Variants in MEIKIN observed in about 807,000 individuals in gnomAD.
MEIKIN encodes the protein meiosis-specific kinetochore protein.
intron 11 of MEIKIN, among the ~76,000 whole-genome samples, chr5:131,835,628 C>T (rs1749792681): frequency 6.6e-6 from 1 of 152,148 alleles, no homozygotes; most frequent in Non-Finnish European, 1.5e-5. Context: ...GAGTCTCGCT[C>T]TGTTACCCAG....
chr5:131,877,541 G>A (rs986057521), intron 9 of MEIKIN, among the ~76,000 whole-genome samples: 1 of 152,130 alleles, frequency 6.6e-6, no homozygotes, highest in African/African-American at 2.4e-5. Flanking sequence ...TACTAGGTAG[G>A]CTGAGGCAAG....
At chr5:131,843,865 C>T (rs781124950) in intron 11 of MEIKIN, among the ~76,000 whole-genome samples, 1 of 152,174 alleles carries the variant, frequency 6.6e-6, no homozygotes, top group Non-Finnish European at 1.5e-5. Flanking sequence ...TATAGCAATG[C>T]CCCATTTCTC....
At chr5:131,906,800 G>A (rs191883782) in intron 8 of MEIKIN, among the ~76,000 whole-genome samples, 6 of 152,238 alleles carry the variant, frequency 3.9e-5, no homozygotes, top group African/African-American at 9.6e-5. Context: ...TCACTTATAA[G>A]TGGGACCTAA....
At chr5:131,885,046 C>T (rs1750755690) in intron 8 of MEIKIN, among the ~76,000 whole-genome samples, 1 of 152,192 alleles carries the variant, frequency 6.6e-6, no homozygotes, top group Non-Finnish European at 1.5e-5. Flanking sequence ...TAAGGGTTTT[C>T]ACTCTAATTC....
chr5:131,845,967 C>T (rs553607956), intron 11 of MEIKIN, among the ~76,000 whole-genome samples: 138 of 152,272 alleles, frequency 9.1e-4, no homozygotes, highest in African/African-American at 3.2e-3. Flanking sequence ...AACTGAAAGA[C>T]ACCCACACTT....
At chr5:131,832,514 T>C (rs1749732321) in intron 11 of MEIKIN, among the ~76,000 whole-genome samples, 1 of 152,086 alleles carries the variant, frequency 6.6e-6, no homozygotes, top group Non-Finnish European at 1.5e-5. Context: ...CGTTCTGAGG[T>C]CTGGAGGACA....
At chr5:131,905,657 A>G (rs111810109) in intron 8 of MEIKIN, among the ~76,000 whole-genome samples, 9 of 152,330 alleles carry the variant, frequency 5.9e-5, no homozygotes, top group African/African-American at 2.2e-4. Flanking sequence ...AAACACCTCT[A>G]TGCACACAAG....
intron 11 of MEIKIN, among the ~76,000 whole-genome samples, chr5:131,822,722 A>G (rs1749536449): frequency 1.3e-5 from 2 of 152,172 alleles, no homozygotes; most frequent in Non-Finnish European, 2.9e-5. Flanking sequence ...ACACACTGTG[A>G]TAACAATGTT....
At chr5:131,807,373 G>A (rs1004364157) in intron 12 of MEIKIN, 115 bp from the exon 13 acceptor site, 1 of 394,024 alleles carries the variant, frequency 2.5e-6, no homozygotes, top group Non-Finnish European at 4.5e-6. Context: ...TCTAGTTTCA[G>A]CCCATCAAGC....
At chr5:131,831,855 T>C (rs1749721449) in intron 11 of MEIKIN, among the ~76,000 whole-genome samples, 1 of 152,112 alleles carries the variant, frequency 6.6e-6, no homozygotes, top group African/African-American at 2.4e-5. Context: ...TCAGATCTTG[T>C]GAGGCTTATT....
chr5:131,861,911 CTGT>C (rs1561735879), intron 9 of MEIKIN, among the ~76,000 whole-genome samples: 2 of 151,984 alleles, frequency 1.3e-5, no homozygotes, highest in African/African-American at 4.8e-5. Flanking sequence ...TTTCTCTTTG[CTGT>C]TGTTGTTGTG....
intron 8 of MEIKIN, among the ~76,000 whole-genome samples, chr5:131,892,089 T>C (rs561179850): frequency 6.6e-6 from 1 of 152,232 alleles, no homozygotes; most frequent in African/African-American, 2.4e-5. Flanking sequence ...AGATCAGCTG[T>C]TAGTCTCATG....
At chr5:131,944,524 C>T (rs1335694536) in intron 3 of MEIKIN, 141 bp downstream of exon 3, 9 of 394,666 alleles carry the variant, frequency 2.3e-5, no homozygotes, top group African/African-American at 1.2e-4. Flanking sequence ...TCTAAAGACA[C>T]GTAAGTGTTT....
At chr5:131,826,439 C>A (rs1345899521) in intron 11 of MEIKIN, among the ~76,000 whole-genome samples, 3 of 152,082 alleles carry the variant, frequency 2.0e-5, no homozygotes, top group African/African-American at 7.2e-5. Flanking sequence ...GACGATTGAA[C>A]TTAAAAGTAC....
At chr5:131,910,271 A>G (rs942613075) in intron 8 of MEIKIN, among the ~76,000 whole-genome samples, 2 of 152,226 alleles carry the variant, frequency 1.3e-5, no homozygotes, top group African/African-American at 2.4e-5. Flanking sequence ...ATTTACAACA[A>G]CATGAATGAA....
intron 4 of MEIKIN, among the ~76,000 whole-genome samples, chr5:131,942,304 T>C (rs896948437): frequency 1.6e-4 from 25 of 152,226 alleles, no homozygotes; most frequent in African/African-American, 6.0e-4. Flanking sequence ...AATTTCTCTT[T>C]ACTCATCTCT....
At chr5:131,920,362 G>A (rs1307513434) in intron 6 of MEIKIN, among the ~76,000 whole-genome samples, 1 of 152,082 alleles carries the variant, frequency 6.6e-6, no homozygotes, top group Non-Finnish European at 1.5e-5. Context: ...AATCACCCTT[G>A]GACAAACACC....
At chr5:131,849,712 C>T (rs1283091329) in intron 11 of MEIKIN, among the ~76,000 whole-genome samples, 1 of 151,064 alleles carries the variant, frequency 6.6e-6, no homozygotes, top group East Asian at 1.9e-4. Context: ...ATATGAAAAC[C>T]CACAGTAAAC....
intron 6 of MEIKIN, 74 bp from the exon 7 acceptor site, chr5:131,916,999 C>T (rs1751424086): frequency 2.6e-6 from 1 of 390,698 alleles, no homozygotes; most frequent in Non-Finnish European, 4.5e-6. Flanking sequence ...TGAATATTTT[C>T]CCCCAAGTGC....
Sources: allele counts gnomAD v4.1 joint callset (sites outside exome capture counted in the v4.1 genomes callset), GRCh38; gene constraint gnomAD v4.1.1; transcripts MANE v1.5; gene names NCBI Gene and HGNC (gene_info 2026-07-23, HGNC 2026-07-21).